UPF3B: variants seen among roughly 807,000 people sequenced by gnomAD.
UPF3B encodes UPF3B regulator of nonsense mediated mRNA decay, also known as regulator of nonsense transcripts 3B.
Under a neutral mutation model 40.3 loss-of-function variants are expected in UPF3B, and 7 were observed. That is an observed-to-expected ratio of 0.17 (90% CI 0.10 to 0.33). The LOEUF (loss-of-function observed/expected upper bound fraction) is 0.33, where lower values mean the gene tolerates loss of function less well. Ranked by LOEUF, UPF3B falls within the 10% of genes least tolerant of loss-of-function variation. The probability of loss-of-function intolerance (pLI) is 1.00; values close to 1 mark genes in which losing one functional copy is unlikely to be tolerated. For synonymous variants in UPF3B, 117 were observed against 117.3 expected, an observed-to-expected ratio of 1.00 and a Z score of 0.01; for missense variants, 229 against 358.9, an observed-to-expected ratio of 0.64 and a Z score of 2.93.
chrX:119,850,257 C>T (rs2056287092), intron 3 of UPF3B, among the ~76,000 whole-genome samples: 1 of 110,822 alleles, frequency 9.0e-6, no homozygotes, highest in Non-Finnish European at 1.9e-5. Flanking sequence ...TCTGATTGCG[C>T]CACAGCACTC....
intron 5 of UPF3B, among the ~76,000 whole-genome samples, chrX:119,809,485 C>G (rs1420055378): frequency 8.9e-6 from 1 of 112,208 alleles, no homozygotes; most frequent in Non-Finnish European, 1.9e-5. Flanking sequence ...CTTTGGGAAG[C>G]TGAGACTGGT....
At position 119,813,061 on chromosome X, in the gene UPF3B, G is replaced by T. The variant is rs191663878; in HGVS notation, c.602+2139C>A. 3.9e-3 allele frequency among the ~76,000 whole-genome samples: 435 copies of T among 111,343 alleles called. 1 individual carries two copies. The highest frequency in any genetic ancestry group is 9.3e-3 in the Middle Eastern group (2 of 215). On this transcript the variant is annotated intron_variant, in intron 5 of 6. Transcript: ENST00000636792. ...GGTGGCTCTTGTACCTGCCTCTTTGGCTATTTGTTTCTAAAAGCTGGGAAA... is the reference window on the plus strand; with the variant it reads ...GGTGGCTCTTGTACCTGCCTCTTTGTCTATTTGTTTCTAAAAGCTGGGAAA...
At chrX:119,835,912 G>A (rs143186447) in intron 10 of UPF3B, among the ~76,000 whole-genome samples, 52 of 111,637 alleles carry the variant, frequency 4.7e-4, no homozygotes, top group African/African-American at 1.6e-3. Flanking sequence ...AGGAGGTCGA[G>A]GCTACAGTGA....
At chrX:119,813,687 G>A (rs552413782) in intron 5 of UPF3B, among the ~76,000 whole-genome samples, 1 of 107,766 alleles carries the variant, frequency 9.3e-6, no homozygotes, top group South Asian at 4.0e-4. Flanking sequence ...TCGGCCTCCC[G>A]AGTAGCTTGG....
chrX:119,806,331 G>T (rs960751274), intron 6 of UPF3B, among the ~76,000 whole-genome samples: 10 of 85,462 alleles, frequency 1.2e-4, no homozygotes, highest in Admixed American at 2.8e-4. Flanking sequence ...TGGGGACTGT[G>T]GTGGGGTTGG....
chrX:119,811,028 C>T (rs1398083610), intron 5 of UPF3B, among the ~76,000 whole-genome samples: 1 of 108,518 alleles, frequency 9.2e-6, no homozygotes, highest in Non-Finnish European at 1.9e-5. Flanking sequence ...TCTTTTACGT[C>T]TATTTTCCAC....
At chrX:119,843,831 C>T (rs1314680684) in intron 4 of UPF3B, among the ~76,000 whole-genome samples, 1 of 111,792 alleles carries the variant, frequency 8.9e-6, no homozygotes, top group Non-Finnish European at 1.9e-5. Context: ...GAGTCCTTAC[C>T]GTGTTTTCTT....
At chrX:119,807,422 A>T (rs748801769) in intron 6 of UPF3B, 5 of 889,272 alleles carry the variant, frequency 5.6e-6, no homozygotes, top group East Asian at 1.5e-4. Flanking sequence ...ACCTAAGGCC[A>T]TCTGGACTTA....
chrX:119,835,426 G>A (rs1217907463), intron 10 of UPF3B, among the ~76,000 whole-genome samples: 2 of 111,518 alleles, frequency 1.8e-5, no homozygotes, highest in Non-Finnish European at 3.8e-5. Context: ...GTACAAACAA[G>A]CTCTCCCTAT....
chrX:119,808,882 G>T (rs181295470), intron 5 of UPF3B, among the ~76,000 whole-genome samples: 85 of 111,907 alleles, frequency 7.6e-4, no homozygotes, highest in Non-Finnish European at 1.4e-3. Context: ...CTTTCTCTTG[G>T]GTATTCATTC....
chrX:119,829,467 C>T (rs901539394), downstream of UPF3B, among the ~76,000 whole-genome samples: 1 of 112,173 alleles, frequency 8.9e-6, no homozygotes, highest in African/African-American at 3.2e-5. Flanking sequence ...AATCTGGCTT[C>T]CCTGTCCCAT....
chrX:119,841,818 C>A, intron 5 of UPF3B, 40 bp from the exon 6 acceptor site: 1 of 1,119,746 alleles, frequency 8.9e-7, no homozygotes, highest in Non-Finnish European at 1.2e-6. Context: ...TACTTATCAA[C>A]CCCTAGAAAC....
At position 119,840,030 on chromosome X, in the gene UPF3B, A is replaced by G. The variant is rs943521964; in HGVS notation, c.846+616T>C. Among the ~76,000 whole-genome samples, 3 of 111,153 alleles carry G rather than the reference A, an allele frequency of 2.7e-5. No homozygotes were observed. In the Admixed American group the frequency reaches 2.9e-4, roughly 11 times the overall value. Reference sequence around the variant, plus strand: ...GAGACTTAGGGAACCCTTGCTACATAAACTGCTGAGTTTTCAGGAAATAAA... The same window carrying G: ...GAGACTTAGGGAACCCTTGCTACATGAACTGCTGAGTTTTCAGGAAATAAA... On this transcript the variant is annotated intron_variant, in intron 8 of 10. Transcript: ENST00000276201.
At chrX:119,822,904 G>A (rs888417746) in intron 4 of UPF3B, 72 of 849,096 alleles carry the variant, frequency 8.5e-5, no homozygotes, top group Non-Finnish European at 1.0e-4. Context: ...CACCACGCCC[G>A]GCCTCTCCTC....
intron 1 of UPF3B, among the ~76,000 whole-genome samples, chrX:119,852,242 C>A (rs1337026134): frequency 9.0e-6 from 1 of 111,630 alleles, no homozygotes; most frequent in Non-Finnish European, 1.9e-5. Context: ...CTTGATTTAG[C>A]AACAAGTTTC....
intron 5 of UPF3B, 152 bp from the exon 6 acceptor site, chrX:119,841,930 C>T (rs748962153): frequency 1.8e-4 from 87 of 471,419 alleles, no homozygotes; most frequent in Middle Eastern, 5.6e-4. Context: ...AGAAGTTTTA[C>T]AGCATTCGAT....
At chrX:119,816,392 C>T (rs2055865369) in intron 4 of UPF3B, among the ~76,000 whole-genome samples, 1 of 111,603 alleles carries the variant, frequency 9.0e-6, no homozygotes, top group African/African-American at 3.3e-5. Context: ...TTGCTATTTG[C>T]CTCTTGCCAA....
At chrX:119,841,392 G>A (rs979172996) in intron 6 of UPF3B, 134 bp from the exon 7 acceptor site, 3 of 1,030,133 alleles carry the variant, frequency 2.9e-6, no homozygotes, top group Non-Finnish European at 3.9e-6. Context: ...TTCTACCACC[G>A]TTATCCCCAC....
At position 119,838,037 on chromosome X, in the gene UPF3B, C is replaced by T. The variant is rs2056120649; in HGVS notation, c.1022G>A (p.Ser341Asn). The change falls in exon 10 of 11, where the codon AGC becomes AAC. Residue 341 changes from serine to asparagine, a missense_variant. Ser to Asn is a conservative substitution (Grantham distance 46). Transcript: ENST00000276201. ...TTCCCTCTCCCTATAGTCTCTGCCG[C>T]TCTCATCTTCAGGTCTGCATGAAAA... Reference protein sequence around the residue: ...DEKPKRPEDESGRDYRERERE... With the variant: ...DEKPKRPEDENGRDYRERERE... The T allele has an allele frequency of 2.5e-6, 3 of 1,208,946 alleles. No homozygotes were observed. The African/African-American group carries it at 5.3e-5, about 21-fold the overall frequency.
Sources: gnomAD v4.1 joint callset for allele counts (sites outside exome capture counted in the v4.1 genomes callset) on GRCh38, gnomAD v4.1.1 for gene constraint, MANE v1.5 for transcripts, NCBI Gene and HGNC (gene_info 2026-07-23, HGNC 2026-07-21) for gene names.